Variants in ZNF83 observed in about 807,000 individuals in gnomAD.
ZNF83 encodes the protein zinc finger protein 816B.
For missense variants in ZNF83, 552 were observed against 629.9 expected, an observed-to-expected ratio of 0.88 and a Z score of 1.32; for synonymous variants, 209 against 213.0, an observed-to-expected ratio of 0.98 and a Z score of 0.17.
chr19:52,636,878 G>C (rs377081713), intron 1 of ZNF83: 1 of 148,438 alleles, frequency 6.7e-6, no homozygotes, highest in Non-Finnish European at 1.5e-5. Flanking sequence ...AGCTAGACTC[G>C]AACTCCTGTA....
upstream of ZNF83, among the ~76,000 whole-genome samples, chr19:52,640,568 C>T (rs566069949): frequency 6.6e-6 from 1 of 152,112 alleles, no homozygotes; most frequent in African/African-American, 2.4e-5. Context: ...ATTGCTCTGT[C>T]GCCCAGTGGT....
rs573627213 is a variant in ZNF83 at position 52,681,748 on chromosome 19, T to C, written c.-283+8695A>G. ...ACTAAACTGACACAGGTTTATCTAATGGAGAGAACATGAAATAGGTTCAAG... is the reference window on the plus strand; with the variant it reads ...ACTAAACTGACACAGGTTTATCTAACGGAGAGAACATGAAATAGGTTCAAG... On this transcript the variant is annotated intron_variant, in intron 1 of 5. Coordinates refer to the ZNF83 transcript ENST00000594682. 3.0e-4 allele frequency among the ~76,000 whole-genome samples: 46 copies of C among 152,316 alleles called. No individual in the cohort carries two copies. In the South Asian group the frequency reaches 7.9e-3, roughly 26 times the overall value.
At chr19:52,666,485 C>T (rs560634327) in intron 1 of ZNF83, among the ~76,000 whole-genome samples, 50 of 152,158 alleles carry the variant, frequency 3.3e-4, no homozygotes, top group African/African-American at 1.1e-3. Flanking sequence ...ATCCTTAACC[C>T]AGTAAACCGC....
chr19:52,620,213 CGTATGTGT>C (rs200490854), intron 2 of ZNF83, among the ~76,000 whole-genome samples: 3,075 of 144,292 alleles, frequency 0.021, 115 homozygotes, highest in African/African-American at 0.066. Flanking sequence ...AAAATATATA[CGTATGTGT>C]GTATGTGTAT....
At chr19:52,684,597 T>A (rs2061983165) in intron 1 of ZNF83, among the ~76,000 whole-genome samples, 1 of 150,628 alleles carries the variant, frequency 6.6e-6, no homozygotes, top group South Asian at 2.1e-4. Context: ...CTGATATGAT[T>A]GATGCAGAGA....
At chr19:52,623,875 C>G (rs2060637403) in intron 2 of ZNF83, among the ~76,000 whole-genome samples, 1 of 152,292 alleles carries the variant, frequency 6.6e-6, no homozygotes, top group Non-Finnish European at 1.5e-5. Flanking sequence ...GGATCTGTGC[C>G]TTTTAAACCA....
chr19:52,631,498 A>G (rs1002809835), intron 2 of ZNF83, among the ~76,000 whole-genome samples: 3 of 152,132 alleles, frequency 2.0e-5, no homozygotes, highest in African/African-American at 7.2e-5. Flanking sequence ...TACATTTCTC[A>G]TAACTTCCAA....
At chr19:52,676,183 G>C (rs2061801021) in intron 1 of ZNF83, among the ~76,000 whole-genome samples, 1 of 152,222 alleles carries the variant, frequency 6.6e-6, no homozygotes, top group African/African-American at 2.4e-5. Context: ...GGGTTTCGCT[G>C]TGTTGGTTGG....
chr19:52,671,722 C>G (rs972232334), intron 1 of ZNF83, among the ~76,000 whole-genome samples: 5 of 152,186 alleles, frequency 3.3e-5, no homozygotes, highest in Non-Finnish European at 5.9e-5. Flanking sequence ...GGGTTACAGG[C>G]AAGCCACCAC....
rs779938605 is a variant in ZNF83, at chr19:52,619,009, T to C, written c.-233-4212A>G. 131 of 1,602,794 alleles carry C rather than the reference T, an allele frequency of 8.2e-5. 1 individual carries two copies. Among genetic ancestry groups the C allele is most frequent in the Middle Eastern group, 3.3e-4 (2 of 6,028 alleles). ...GAGTCCTCTGAGCAGGGTCCAGGCA[T>C]TTCCACTCCTCCTGAGAGAATTCTA... On this transcript the variant is annotated intron_variant, in intron 2 of 2. Coordinates refer to ENST00000301096, the Ensembl canonical transcript of ZNF83.
At chr19:52,663,532 T>C (rs944542310) in intron 1 of ZNF83, among the ~76,000 whole-genome samples, 1 of 152,132 alleles carries the variant, frequency 6.6e-6, no homozygotes, top group Admixed American at 6.6e-5. Context: ...TTTAATCAGA[T>C]GACATGAGGA....
intron 2 of ZNF83, 33 bp from the exon 3 acceptor site, chr19:52,614,830 T>C (rs1190678481): frequency 4.8e-6 from 6 of 1,256,350 alleles, no homozygotes; most frequent in South Asian, 7.4e-5. Context: ...AGTTTCCAAT[T>C]AATTACAGAT....
At chr19:52,674,872 C>T (rs1041247106) in intron 1 of ZNF83, among the ~76,000 whole-genome samples, 1 of 152,194 alleles carries the variant, frequency 6.6e-6, no homozygotes, top group Admixed American at 6.5e-5. Flanking sequence ...AAATCCCTAT[C>T]AGTTTTTGTC....
In ZNF83 at chr19:52,625,876, G is replaced by A. The variant is rs940961066; in HGVS notation, c.-234+9190C>T. Reference sequence around the variant, plus strand: ...CCCATTACAACCTCTGATGGCTGCCGCCCTAGCTGGATCCCTGAGTCTGGG... The same window carrying A: ...CCCATTACAACCTCTGATGGCTGCCACCCTAGCTGGATCCCTGAGTCTGGG... On this transcript the variant is annotated intron_variant, in intron 2 of 2. Transcript: ENST00000301096. Among the ~76,000 whole-genome samples, 8 of 152,070 alleles carry A rather than the reference G, an allele frequency of 5.3e-5. No homozygotes were observed. In the South Asian group the frequency reaches 1.0e-3, roughly 20 times the overall value.
chr19:52,687,900 T>A (rs1432048155), intron 1 of ZNF83, among the ~76,000 whole-genome samples: 1 of 151,564 alleles, frequency 6.6e-6, no homozygotes, highest in Non-Finnish European at 1.5e-5. Flanking sequence ...CTGCCCCACG[T>A]CCTACCCCAC....
intron 2 of ZNF83, among the ~76,000 whole-genome samples, chr19:52,629,581 C>G (rs947118672): frequency 2.6e-5 from 4 of 152,178 alleles, no homozygotes; most frequent in African/African-American, 9.7e-5. Flanking sequence ...CTAGCCCTCC[C>G]CCACCTGCCC....
chr19:52,657,869 G>T (rs1217709297), intron 2 of ZNF83, among the ~76,000 whole-genome samples: 1 of 150,946 alleles, frequency 6.6e-6, no homozygotes, highest in Non-Finnish European at 1.5e-5. Context: ...AGGCATGGTG[G>T]CTCATGACTG....
Position 52,630,468 on chromosome 19 carries a change from AC to A in ZNF83, c.-234+4597del, listed in dbSNP as rs555363526. On this transcript the variant is annotated intron_variant, in intron 2 of 2. Transcript: ENST00000301096. ...TTAAAACTCCCCCACTCTGGTGCCA[AC>A]TTGGACAACACTCTTTTATGCACTC... Among the ~76,000 whole-genome samples the A allele has an allele frequency of 4.4e-3, 666 of 152,168 alleles. 5 individuals carry two copies. Among genetic ancestry groups the A allele is most frequent in the African/African-American group, 0.016 (649 of 41,502 alleles).
At chr19:52,671,797 G>A (rs558098287) in intron 1 of ZNF83, among the ~76,000 whole-genome samples, 1 of 152,218 alleles carries the variant, frequency 6.6e-6, no homozygotes, top group African/African-American at 2.4e-5. Flanking sequence ...GTTCTATCAG[G>A]TGGGAATAAC....
Sources: gnomAD v4.1 joint callset for allele counts (sites outside exome capture counted in the v4.1 genomes callset) on GRCh38, gnomAD v4.1.1 for gene constraint, MANE v1.5 for transcripts, NCBI Gene and HGNC (gene_info 2026-07-23, HGNC 2026-07-21) for gene names.